SVIL: variants seen among roughly 807,000 people sequenced by gnomAD.
The protein encoded by SVIL is supervillin.
In SVIL, 101 loss-of-function variants were observed where a neutral mutation model predicts 240.4. The ratio of observed to expected loss-of-function variants is 0.42; its 90% CI spans 0.36 to 0.50. SVIL has a LOEUF of 0.50. SVIL is among the 20% of genes least tolerant of loss of function. SVIL has a pLI of 0.01. For synonymous variants in SVIL, 999 were observed against 1,100.0 expected, an observed-to-expected ratio of 0.91 and a Z score of 1.82; for missense variants, 2,512 against 2,818.7, an observed-to-expected ratio of 0.89 and a Z score of 2.46.
intron 17 of SVIL, chr10:29,508,576 T>G (rs1020359482): frequency 8.0e-6 from 3 of 375,412 alleles, no homozygotes; most frequent in Non-Finnish European, 1.6e-5. Flanking sequence ...ATCTGGAGTT[T>G]AGAGAGCATT....
chr10:29,533,349 C>T lies in SVIL; in HGVS notation c.1018G>A (p.Val340Met), dbSNP rs774460786. The change falls in exon 8 of 38, where the codon GTG becomes ATG. Residue 340 changes from valine (V) to methionine (M), a missense_variant. Transcript: ENST00000355867. The part of the protein sequence containing the change: ...RRHQPAPVHY[V>M]SFQSEHSAFD... ...GCTGAGTGCTCAGACTGAAATGACA[C>T]GTAATGGACTGGCGCTGGCTGGTGT... The T allele has an allele frequency of 7.4e-6, 12 of 1,614,022 alleles. No individual in the cohort carries two copies. The East Asian group carries it at 1.3e-4, about 18-fold the overall frequency.
At chr10:29,652,986 C>T (rs2133015716) in intron 3 of SVIL, among the ~76,000 whole-genome samples, 1 of 151,416 alleles carries the variant, frequency 6.6e-6, no homozygotes. Flanking sequence ...CTGTGAATCG[C>T]CTTTTTCCTT....
chr10:29,633,233 T>A (rs1958174489), intron 1 of SVIL, among the ~76,000 whole-genome samples: 2 of 78,920 alleles, frequency 2.5e-5, no homozygotes, highest in East Asian at 3.3e-4. Context: ...CGAGACTCCA[T>A]CTCAAAAAAA....
chr10:29,460,124 T>C (rs1220953164), intron 36 of SVIL, among the ~76,000 whole-genome samples: 1 of 152,112 alleles, frequency 6.6e-6, no homozygotes, highest in Non-Finnish European at 1.5e-5. Context: ...TGGATGATCT[T>C]GCCTGCGTCT....
intron 32 of SVIL, among the ~76,000 whole-genome samples, chr10:29,468,157 A>T (rs758000229): frequency 1.3e-5 from 2 of 152,282 alleles, no homozygotes; most frequent in African/African-American, 4.8e-5. Context: ...AGAATCCACT[A>T]ATCTACTCCT....
intron 1 of SVIL, among the ~76,000 whole-genome samples, chr10:29,689,964 A>G (rs547117707): frequency 3.9e-5 from 6 of 152,294 alleles, no homozygotes; most frequent in Admixed American, 6.5e-5. Flanking sequence ...GAGCAGTTTG[A>G]TTAGGAAACA....
At chr10:29,580,236 T>C (rs1955881599) in intron 1 of SVIL, among the ~76,000 whole-genome samples, 1 of 152,096 alleles carries the variant, frequency 6.6e-6, no homozygotes, top group South Asian at 2.1e-4. Flanking sequence ...TGTAATCAGC[T>C]GCTTGTGAGG....
At chr10:29,572,017 T>C (rs1955446568) in intron 1 of SVIL, among the ~76,000 whole-genome samples, 1 of 152,194 alleles carries the variant, frequency 6.6e-6, no homozygotes, top group African/African-American at 2.4e-5. Context: ...AAATGTTTGC[T>C]GAATGACCAT....
At chr10:29,721,457 G>T (rs1277506162) in intron 1 of SVIL, among the ~76,000 whole-genome samples, 1 of 150,906 alleles carries the variant, frequency 6.6e-6, no homozygotes, top group African/African-American at 2.4e-5. Flanking sequence ...ACTGTATACT[G>T]CCTACAAAAA....
At chr10:29,702,271 C>T (rs935423197) in intron 1 of SVIL, among the ~76,000 whole-genome samples, 1 of 150,652 alleles carries the variant, frequency 6.6e-6, no homozygotes, top group African/African-American at 2.4e-5. Flanking sequence ...GGAGGTGCTA[C>T]ATTTTGAATA....
intron 1 of SVIL, among the ~76,000 whole-genome samples, chr10:29,586,560 A>G (rs4749466): frequency 0.36 from 54,906 of 151,962 alleles, 10,288 homozygotes; most frequent in African/African-American, 0.38. Context: ...CCACCTGACT[A>G]TCTAGTTATA....
chr10:29,685,955 T>C (rs1961037232), intron 2 of SVIL, among the ~76,000 whole-genome samples: 1 of 152,244 alleles, frequency 6.6e-6, no homozygotes, highest in Non-Finnish European at 1.5e-5. Flanking sequence ...AACCCATTCA[T>C]TAGTCAGTCA....
Position 29,532,613 on chromosome 10 carries a change from A to T in SVIL, c.1754T>A (p.Ile585Asn), listed in dbSNP as rs1169652805. The T allele has an allele frequency of 1.9e-6, 3 of 1,614,020 alleles. No homozygotes were observed. The highest frequency in any genetic ancestry group is 1.1e-5 in the South Asian group (1 of 91,076). Residue 585 changes from isoleucine (I) to asparagine (N), a missense_variant, in exon 8 of 38, where the codon ATC (isoleucine) becomes AAC (asparagine). Transcript: ENST00000355867. Reference protein sequence around the residue: ...SSKTEGPYGEISMLDTKVSVA... With the variant: ...SSKTEGPYGENSMLDTKVSVA... ...AGAGACTTTTGTGTCCAGCATGCTG[A>T]TCTCCCCATAAGGCCCTTCGGTCTT...
Position 29,510,299 on chromosome 10 carries a change from A to C in SVIL, c.3516+2436T>G, listed in dbSNP as rs1949733476. On this transcript the variant is annotated intron_variant, in intron 17 of 37. Transcript: ENST00000355867. The stretch of plus-strand genomic sequence containing the variant: ...CCATTGACAGAAACAAAACAGTTAC[A>C]GATTTTTCAAGACATCCTTTATCGT... Among the ~76,000 whole-genome samples the C allele has an allele frequency of 2.0e-5, 3 of 152,256 alleles. No individual in the cohort carries two copies. The South Asian group carries it at 6.2e-4, about 32-fold the overall frequency.
At chr10:29,559,350 C>T (rs551183969) in intron 3 of SVIL, among the ~76,000 whole-genome samples, 1 of 151,788 alleles carries the variant, frequency 6.6e-6, no homozygotes, top group Non-Finnish European at 1.5e-5. Flanking sequence ...TATGTACATA[C>T]ATACACATAC....
intron 12 of SVIL, 84 bp from the exon 13 acceptor site, chr10:29,527,140 G>A: frequency 8.0e-7 from 1 of 1,254,030 alleles, no homozygotes; most frequent in East Asian, 2.5e-5. Flanking sequence ...TTTAAATTCA[G>A]AAACGTTAAA....
intron 3 of SVIL, 120 bp from the exon 4 acceptor site, chr10:29,555,228 G>C: frequency 9.6e-7 from 1 of 1,038,934 alleles, no homozygotes; most frequent in South Asian, 1.7e-5. Flanking sequence ...ATGTCACAGT[G>C]ACATGCAAAA....
At chr10:29,596,200 G>A (rs1332655810) in intron 1 of SVIL, among the ~76,000 whole-genome samples, 1 of 152,242 alleles carries the variant, frequency 6.6e-6, no homozygotes, top group Non-Finnish European at 1.5e-5. Context: ...GATGGGCGCA[G>A]TGGCTCTTGC....
At chr10:29,522,378 A>C (rs1442229511) in intron 16 of SVIL, 32 bp downstream of exon 16, 15 of 1,607,776 alleles carry the variant, frequency 9.3e-6, no homozygotes, top group Non-Finnish European at 1.3e-5. Context: ...CCTCCCCGAG[A>C]GAATTACTTT....
Sources: allele counts gnomAD v4.1 joint callset (sites outside exome capture counted in the v4.1 genomes callset), GRCh38; gene constraint gnomAD v4.1.1; transcripts MANE v1.5; gene names NCBI Gene and HGNC (gene_info 2026-07-23, HGNC 2026-07-21).